Variants in TMEM63C observed in about 807,000 individuals in gnomAD.
TMEM63C encodes osmosensitive cation channel TMEM63C.
A neutral mutation model predicts 99.2 loss-of-function variants in TMEM63C; 32 were observed. The ratio of observed to expected loss-of-function variants is 0.32; its 90% CI spans 0.24 to 0.43. TMEM63C has a LOEUF of 0.43. TMEM63C is among the 20% of genes least tolerant of loss of function. The pLI, the probability that TMEM63C is intolerant of heterozygous loss-of-function variation, is 1.00. For synonymous variants in TMEM63C, 376 were observed against 397.9 expected, an observed-to-expected ratio of 0.94 and a Z score of 0.66; for missense variants, 826 against 1,053.0, an observed-to-expected ratio of 0.78 and a Z score of 2.98.
chr14:77,208,070 C>G (rs1475063720), intron 1 of TMEM63C, among the ~76,000 whole-genome samples: 1 of 152,176 alleles, frequency 6.6e-6, no homozygotes, highest in Non-Finnish European at 1.5e-5. Context: ...ATTCCTCATT[C>G]ATAAGATGGG....
intron 7 of TMEM63C, among the ~76,000 whole-genome samples, chr14:77,232,686 A>G (rs1888965883): frequency 6.6e-6 from 1 of 152,218 alleles, no homozygotes; most frequent in Admixed American, 6.5e-5. Flanking sequence ...CCACATACCT[A>G]TACAGTGTTT....
In TMEM63C at chr14:77,243,066, C is replaced by G. The variant is rs375733040; in HGVS notation, c.1341+10C>G. 1.2e-6 allele frequency: 2 copies of G among 1,613,230 alleles called. No individual in the cohort carries two copies. The highest frequency in any genetic ancestry group is 2.2e-5 in the South Asian group (2 of 91,022). On this transcript the variant is annotated intron_variant, in intron 15 of 23. Transcript: ENST00000298351. ...CATCGAGAAGCTGCAGGTGCCTCCT[C>G]TGCTCAGGCCAGGCCTGGGGACCCC...
intron 2 of TMEM63C, among the ~76,000 whole-genome samples, chr14:77,216,618 A>G (rs1264037808): frequency 1.3e-5 from 2 of 151,144 alleles, no homozygotes; most frequent in East Asian, 3.9e-4. Flanking sequence ...CATAACAGCA[A>G]CTCTATCTTC....
chr14:77,240,423 G>A, intron 12 of TMEM63C, 52 bp from the exon 13 acceptor site: 2 of 1,562,144 alleles, frequency 1.3e-6, no homozygotes, highest in Non-Finnish European at 8.6e-7. Flanking sequence ...CGTGACCAGG[G>A]AGGCCTTCCT....
At chr14:77,194,356 GTGTGTGTGT>G in intron 1 of TMEM63C, among the ~76,000 whole-genome samples, 1 of 149,534 alleles carries the variant, frequency 6.7e-6, no homozygotes, top group South Asian at 2.1e-4. Context: ...GTGTGTGTGT[GTGTGTGTGT>G]GTGTGTGTGT....
At chr14:77,252,843 G>A (rs895379566) in intron 22 of TMEM63C, among the ~76,000 whole-genome samples, 4 of 152,196 alleles carry the variant, frequency 2.6e-5, no homozygotes, top group South Asian at 2.1e-4. Context: ...GAAGGGTCTC[G>A]TGAAGGACCC....
chr14:77,212,275 C>T (rs1435657025), intron 1 of TMEM63C: 2 of 152,218 alleles, frequency 1.3e-5, no homozygotes, highest in African/African-American at 2.4e-5. Context: ...GAGGCTGAGA[C>T]AGATGAAGTC....
chr14:77,214,077 T>C (rs1366497934), intron 2 of TMEM63C, among the ~76,000 whole-genome samples: 1 of 152,000 alleles, frequency 6.6e-6, no homozygotes, highest in Non-Finnish European at 1.5e-5. Context: ...TCATTCCTTC[T>C]CCATCCCCAT....
In TMEM63C at chr14:77,235,378, G is replaced by T. The variant is rs1189006882; in HGVS notation, c.543-1246G>T. Among the ~76,000 whole-genome samples the T allele has an allele frequency of 2.3e-5, 3 of 129,548 alleles. No homozygotes were observed. In the Admixed American group the frequency reaches 2.5e-4, roughly 11 times the overall value. 85.0% of individuals were successfully genotyped at this position (129,548 alleles called of 152,430 possible). On this transcript the variant is annotated intron_variant, in intron 8 of 23. Coordinates refer to ENST00000298351, the MANE Select transcript of TMEM63C (RefSeq NM_020431.4). ...GATAGGTGAGAGGGGAGGATCCAGG[G>T]ATACTGTGATGGGTGGGAGGGAGAC...
At chr14:77,199,796 A>G (rs1888268847) in intron 1 of TMEM63C, among the ~76,000 whole-genome samples, 1 of 152,200 alleles carries the variant, frequency 6.6e-6, no homozygotes, top group Admixed American at 6.5e-5. Context: ...CTCATCGAAC[A>G]CTGGCTGAAT....
intron 1 of TMEM63C, among the ~76,000 whole-genome samples, chr14:77,209,327 G>T (rs1004522877): frequency 6.6e-6 from 1 of 152,148 alleles, no homozygotes; most frequent in Non-Finnish European, 1.5e-5. Flanking sequence ...GCCAATGTGC[G>T]CTATGTGGGG....
At chr14:77,236,559 C>A (rs1889065169) in intron 8 of TMEM63C, 65 bp from the exon 9 acceptor site, 1 of 1,175,998 alleles carries the variant, frequency 8.5e-7, no homozygotes, top group African/African-American at 1.5e-5. Context: ...GCCCAGGGGT[C>A]TCTGTGCAGT....
chr14:77,232,301 T>C (rs1400500245), intron 7 of TMEM63C, among the ~76,000 whole-genome samples: 1 of 152,192 alleles, frequency 6.6e-6, no homozygotes, highest in East Asian at 1.9e-4. Flanking sequence ...TTATTTAATT[T>C]ATTGAGACAG....
Position 77,219,996 on chromosome 14 carries a change from T to G in TMEM63C, c.231-10T>G. ...CTTTCTTACCTCCCTGCCCCTTCCCTGGCTGGCAGCCTGACCTCGCTGATC... is the reference window on the plus strand; with the variant it reads ...CTTTCTTACCTCCCTGCCCCTTCCCGGGCTGGCAGCCTGACCTCGCTGATC... On this transcript the variant is annotated splice_polypyrimidine_tract_variant and intron_variant, in intron 4 of 23. Transcript: ENST00000298351. 1.3e-6 allele frequency: 2 copies of G among 1,555,476 alleles called. No individual in the cohort carries two copies. The highest frequency in any genetic ancestry group is 1.7e-6 in the Non-Finnish European group (2 of 1,149,216).
intron 6 of TMEM63C, among the ~76,000 whole-genome samples, chr14:77,228,049 A>T (rs1217942086): frequency 6.6e-6 from 1 of 152,044 alleles, no homozygotes; most frequent in Non-Finnish European, 1.5e-5. Flanking sequence ...AGAGAGGAGG[A>T]TGCCGAAGAT....
At chr14:77,231,292 G>A (rs990783522) in intron 6 of TMEM63C, among the ~76,000 whole-genome samples, 7 of 152,164 alleles carry the variant, frequency 4.6e-5, no homozygotes, top group Non-Finnish European at 1.5e-5. Context: ...GTAATAAAAG[G>A]ATGAATGCAT....
chr14:77,231,036 G>C (rs1338251977), intron 6 of TMEM63C, among the ~76,000 whole-genome samples: 2 of 152,192 alleles, frequency 1.3e-5, no homozygotes, highest in Non-Finnish European at 2.9e-5. Context: ...AATACCAACT[G>C]TTCTCCAGTG....
chr14:77,239,509 G>C lies in TMEM63C; in HGVS notation c.806+17G>C, dbSNP rs763714075. On this transcript the variant is annotated intron_variant, in intron 11 of 23. Coordinates refer to ENST00000298351, the MANE Select transcript of TMEM63C (RefSeq NM_020431.4). Reference sequence around the variant, plus strand: ...CGATCAGAGGTGAGGCTGCAGCGGGGCCTTTTGGGGCCCGGGGTGGGGGTA... The same window carrying C: ...CGATCAGAGGTGAGGCTGCAGCGGGCCCTTTTGGGGCCCGGGGTGGGGGTA... 1.9e-6 allele frequency: 3 copies of C among 1,613,000 alleles called. No individual in the cohort carries two copies. The highest frequency in any genetic ancestry group is 2.7e-5 in the African/African-American group (2 of 74,930).
At chr14:77,224,954 C>T (rs1015714310) in intron 5 of TMEM63C, among the ~76,000 whole-genome samples, 1 of 152,148 alleles carries the variant, frequency 6.6e-6, no homozygotes, top group African/African-American at 2.4e-5. Context: ...AAGTGTGAGC[C>T]ACCATGCCTG....
Sources: gnomAD v4.1 joint callset for allele counts (sites outside exome capture counted in the v4.1 genomes callset) on GRCh38, gnomAD v4.1.1 for gene constraint, MANE v1.5 for transcripts, NCBI Gene and HGNC (gene_info 2026-07-23, HGNC 2026-07-21) for gene names.